ACAA2: variants seen among roughly 807,000 people sequenced by gnomAD.
ACAA2 encodes 3-ketoacyl-CoA thiolase, mitochondrial.
A neutral mutation model predicts 44.8 loss-of-function variants in ACAA2; 35 were observed. The ratio of observed to expected loss-of-function variants is 0.78; its 90% CI spans 0.60 to 1.04. ACAA2 has a LOEUF of 1.04. Among genes scored for constraint, ACAA2 ranks in the 50% least tolerant of loss-of-function variants. The pLI is 0.00. For missense variants in ACAA2, 468 were observed against 482.6 expected (o/e 0.97, Z 0.28); for synonymous variants, 142 against 166.5 (o/e 0.85, Z 1.13).
chr18:49,791,416 G>A, intron 7 of ACAA2, 54 bp downstream of exon 7: 1 of 1,566,760 alleles, frequency 6.4e-7, no homozygotes, highest in Admixed American at 1.7e-5. Context: ...GAATGCCAAA[G>A]AAGACTTACC....
chr18:49,791,951 G>C (rs923665634), intron 6 of ACAA2, among the ~76,000 whole-genome samples: 1 of 152,124 alleles, frequency 6.6e-6, no homozygotes, highest in East Asian at 1.9e-4. Context: ...AAAAAATTAA[G>C]AAATCAGAAG....
chr18:49,813,403 CG>C (rs1353954309), intron 1 of ACAA2, 65 bp downstream of exon 1: 2 of 1,184,730 alleles, frequency 1.7e-6, no homozygotes, highest in African/African-American at 3.2e-5. Flanking sequence ...CGGCCGGAAG[CG>C]GAGGCCTGGC....
At position 49,794,267 on chromosome 18, in the gene ACAA2, C is replaced by T; in HGVS notation, c.577+13G>A. ...TTATTCTATAGATACTGATACTTTC[C>T]AGTTTCACTCACCAGCTTTCCATCT... On this transcript the variant is annotated intron_variant, in intron 5 of 9. Transcript: ENST00000285093. The T allele has an allele frequency of 6.3e-7, 1 of 1,587,260 alleles. No individual in the cohort carries two copies. The highest frequency in any genetic ancestry group is 8.5e-7 in the Non-Finnish European group (1 of 1,171,406).
chr18:49,794,429 T>A lies in ACAA2; in HGVS notation c.430-2A>T. 6.3e-7 allele frequency: 1 copy of A among 1,578,168 alleles called. No homozygotes were observed. Among genetic ancestry groups the A allele is most frequent in the Non-Finnish European group, 8.6e-7 (1 of 1,166,406 alleles). On this transcript the variant is annotated splice_acceptor_variant, in intron 4 of 9. Coordinates refer to ENST00000285093, the MANE Select transcript of ACAA2 (RefSeq NM_006111.3). LOFTEE classifies it high-confidence loss of function. ...TGATACCCATAAAGAATCTTCCAGCTATTAAAAGACATTAATAAAGTGACT... is the reference window on the plus strand; with the variant it reads ...TGATACCCATAAAGAATCTTCCAGCAATTAAAAGACATTAATAAAGTGACT...
chr18:49,808,707 A>G, intron 1 of ACAA2, among the ~76,000 whole-genome samples: 1 of 152,192 alleles, frequency 6.6e-6, no homozygotes, highest in East Asian at 1.9e-4. Flanking sequence ...GGCAAAAAGG[A>G]GAACAAAGAT....
At chr18:49,799,892 C>T (rs1243859969) in intron 2 of ACAA2, among the ~76,000 whole-genome samples, 4 of 146,898 alleles carry the variant, frequency 2.7e-5, no homozygotes, top group South Asian at 2.2e-4. Flanking sequence ...AGGTGAGGAG[C>T]GTCTCTGCCC....
intron 2 of ACAA2, among the ~76,000 whole-genome samples, chr18:49,801,616 C>T (rs543330476): frequency 2.6e-5 from 4 of 151,762 alleles, no homozygotes; most frequent in South Asian, 4.2e-4. Context: ...AGATACACAA[C>T]GGCAAGATGA....
intron 8 of ACAA2, chr18:49,785,579 G>C: frequency 3.8e-6 from 2 of 520,462 alleles, no homozygotes; most frequent in Non-Finnish European, 6.8e-6. Flanking sequence ...GCAATTCTCA[G>C]TAATCCCATA....
chr18:49,797,740 C>A, intron 2 of ACAA2, 146 bp from the exon 3 acceptor site: 1 of 551,370 alleles, frequency 1.8e-6, no homozygotes, highest in South Asian at 2.8e-5. Flanking sequence ...CTAAGTACAG[C>A]ATATTATATC....
chr18:49,791,770 G>T (rs548562452), intron 6 of ACAA2, among the ~76,000 whole-genome samples, 171 bp from the exon 7 acceptor site: 1 of 152,140 alleles, frequency 6.6e-6, no homozygotes, highest in South Asian at 2.1e-4. Flanking sequence ...ATTTTTTAAG[G>T]CACAGAATAC....
In ACAA2 at chr18:49,795,811, C is replaced by A. The variant is rs765033755; in HGVS notation, c.383G>T (p.Cys128Phe). ...GTESMSQAPY[C>F]VRNVRFGTKL... The stretch of plus-strand genomic sequence containing the variant: ...GGTTCCAAAACGCACATTTCTGACA[C>A]AGTAGGGAGCTTGGCTCATGCTTTC... Residue 128 changes from cysteine to phenylalanine, a missense_variant, in exon 4 of 10, where the codon TGT becomes TTT. Coordinates refer to ENST00000285093, the MANE Select transcript of ACAA2 (RefSeq NM_006111.3). 6.2e-7 allele frequency: 1 copy of A among 1,611,804 alleles called. No individual in the cohort carries two copies. The highest frequency in any genetic ancestry group is 8.5e-7 in the Non-Finnish European group (1 of 1,178,920).
chr18:49,788,962 T>G (rs964575435), intron 7 of ACAA2, among the ~76,000 whole-genome samples: 1 of 152,200 alleles, frequency 6.6e-6, no homozygotes, highest in African/African-American at 2.4e-5. Context: ...TCAATAGCAC[T>G]CTGAATGGGT....
intron 1 of ACAA2, among the ~76,000 whole-genome samples, chr18:49,810,915 T>C (rs2023661209): frequency 1.6e-5 from 1 of 61,898 alleles, no homozygotes; most frequent in Admixed American, 1.3e-4. Context: ...TTATTATTAT[T>C]TTAAATCTTC....
rs1010175678 is a variant in ACAA2, at chr18:49,785,244, C to G, written c.1062G>C (p.Leu354=). ...CAGTAATTCTTGATCCAGATCCTCC[C>G]AGTGGGTGACCCAAAGCAATGGCTC... The part of the protein sequence containing the change: ...NGGAIALGHP[L]GGSGSRITAH... The change falls in exon 9 of 10, where the codon CTG becomes CTC. Residue 354 remains leucine (L), a synonymous_variant. Coordinates refer to ENST00000285093, the MANE Select transcript of ACAA2 (RefSeq NM_006111.3). The G allele has an allele frequency of 4.2e-5, 67 of 1,614,036 alleles. No homozygotes were observed. The highest frequency in any genetic ancestry group is 5.7e-5 in the Non-Finnish European group (67 of 1,180,022).
rs1248681359 is a variant in ACAA2, at chr18:49,791,473, T to C, written c.880A>G (p.Ile294Val). The change falls in exon 7 of 10, where the codon ATT becomes GTT. Residue 294 changes from isoleucine to valine, a missense_variant. Physicochemically the swap from Ile to Val is conservative, Grantham distance 29. Coordinates refer to ENST00000285093, the MANE Select transcript of ACAA2 (RefSeq NM_006111.3). ...GTTTGTTTTACTATAAACTTACCAA[T>C]ACCCATGATAGAGGGATCACATCCA... Reference protein sequence around the residue: ...VSGCDPSIMGIGPVPAISGAL... With the variant: ...VSGCDPSIMGVGPVPAISGAL... The C allele has an allele frequency of 8.1e-6, 13 of 1,610,728 alleles. No homozygotes were observed. Among genetic ancestry groups the C allele is most frequent in the Middle Eastern group, 4.4e-4 (2 of 4,502 alleles).
intron 1 of ACAA2, 178 bp from the exon 2 acceptor site, chr18:49,803,031 T>G: frequency 1.4e-6 from 1 of 717,862 alleles, no homozygotes; most frequent in Non-Finnish European, 2.4e-6. Context: ...GGACTACCAG[T>G]TTGACAGTTT....
intron 1 of ACAA2, among the ~76,000 whole-genome samples, chr18:49,810,368 G>T (rs2023655267): frequency 6.6e-6 from 1 of 152,060 alleles, no homozygotes; most frequent in African/African-American, 2.4e-5. Flanking sequence ...ACATGGAAAT[G>T]ACCCCTCACT....
chr18:49,791,981 T>A (rs1295368230), intron 6 of ACAA2, among the ~76,000 whole-genome samples, 171 bp downstream of exon 6: 2 of 152,196 alleles, frequency 1.3e-5, no homozygotes, highest in Non-Finnish European at 2.9e-5. Flanking sequence ...TAAATAAATA[T>A]GAAAAGATTT....
chr18:49,784,305 T>C (rs2023301573), intron 9 of ACAA2, among the ~76,000 whole-genome samples: 1 of 152,176 alleles, frequency 6.6e-6, no homozygotes, highest in African/African-American at 2.4e-5. Flanking sequence ...GGGAAGGGGA[T>C]GAACATTAAG....
Sources: allele counts gnomAD v4.1 joint callset (sites outside exome capture counted in the v4.1 genomes callset), GRCh38; gene constraint gnomAD v4.1.1; transcripts MANE v1.5; gene names NCBI Gene and HGNC (gene_info 2026-07-23, HGNC 2026-07-21).